Variants in STAB1 observed in about 807,000 individuals in gnomAD.
STAB1 encodes stabilin-1.
A neutral mutation model predicts 332.4 loss-of-function variants in STAB1; 250 were observed. The ratio of observed to expected loss-of-function variants is 0.75; its 90% CI spans 0.68 to 0.84. The LOEUF is 0.84. STAB1 is among the 40% of genes least tolerant of loss of function. The pLI, the probability that STAB1 is intolerant of heterozygous loss-of-function variation, is 0.00. For synonymous variants in STAB1, 1,475 were observed against 1,390.4 expected (o/e 1.06, Z -1.35); for missense variants, 3,249 against 3,489.7 (o/e 0.93, Z 1.74).
At chr3:52,500,198 G>A (rs1708342054) in intron 1 of STAB1, among the ~76,000 whole-genome samples, 1 of 152,222 alleles carries the variant, frequency 6.6e-6, no homozygotes, top group African/African-American at 2.4e-5. Flanking sequence ...TGCCTGCCTT[G>A]TCACACATTT....
In STAB1 at chr3:52,521,378, A is replaced by T; in HGVS notation, c.5926A>T (p.Ser1976Cys). 6.2e-7 allele frequency: 1 copy of T among 1,613,924 alleles called. No homozygotes were observed. The highest frequency in any genetic ancestry group is 8.5e-7 in the Non-Finnish European group (1 of 1,179,988). Residue 1976 changes from serine to cysteine, a missense_variant, in exon 56 of 69, where the codon AGC becomes TGC. Transcript: ENST00000321725. ...SECQACPGGPSSPCSDRGVCM... is the reference protein window; with the variant it reads ...SECQACPGGPCSPCSDRGVCM... ...ATCCCCAGCTTGCCCTGGCGGCCCC[A>T]GCAGCCCTTGTAGTGACCGTGGCGT...
Position 52,508,817 on chromosome 3 carries a change from A to G in STAB1, c.2236-393A>G, listed in dbSNP as rs1169450885. Among the ~76,000 whole-genome samples, 3 of 103,036 alleles carry G rather than the reference A, an allele frequency of 2.9e-5. No individual in the cohort carries two copies. In the East Asian group the frequency reaches 8.7e-4, roughly 30 times the overall value. The allele number at this position is 103,036 out of a possible 152,430, so 67.6% of individuals were successfully genotyped here. A position where few individuals can be genotyped will look rare whatever the true frequency, so the allele number is the denominator to read the frequency against. On this transcript the variant is annotated intron_variant, in intron 21 of 68. Coordinates refer to ENST00000321725, the MANE Select transcript of STAB1 (RefSeq NM_015136.3). ...AGCCTGGGCAACAGAGTGAGATTCC[A>G]TCCCAAAATAACAATAATAATAATA...
intron 21 of STAB1, 166 bp downstream of exon 21, chr3:52,508,525 A>G (rs1397657043): frequency 1.4e-6 from 1 of 714,900 alleles, no homozygotes; most frequent in African/African-American, 1.8e-5. Flanking sequence ...TATTTTAATT[A>G]AAAATAATTA....
rs144391932 is a variant in STAB1, at chr3:52,517,059, G to T, written c.4439G>T (p.Arg1480Leu). ...ANCTKVAPGQRTCTCQDGYMG... is the reference protein window; with the variant it reads ...ANCTKVAPGQLTCTCQDGYMG... ...TGTACCAAGGTGGCACCTGGGCAGCGGACATGCACCTGCCAGGATGGCTAC... is the reference window on the plus strand; with the variant it reads ...TGTACCAAGGTGGCACCTGGGCAGCTGACATGCACCTGCCAGGATGGCTAC... The change falls in exon 42 of 69, where the codon CGG becomes CTG. Residue 1480 changes from arginine (R) to leucine (L), a missense_variant. Arg to Leu is a moderately radical substitution (Grantham distance 102, BLOSUM62 -2). Coordinates refer to ENST00000321725, the MANE Select transcript of STAB1 (RefSeq NM_015136.3). 6.3e-7 allele frequency: 1 copy of T among 1,599,328 alleles called. No homozygotes were observed. The highest frequency in any genetic ancestry group is 1.7e-5 in the Admixed American group (1 of 58,244).
Position 52,506,828 on chromosome 3 carries a change from A to G in STAB1, c.1967A>G (p.Glu656Gly). Residue 656 changes from glutamate (E) to glycine (G), a missense_variant, in exon 18 of 69, where the codon GAG becomes GGG. Glu to Gly is a moderately conservative substitution (Grantham distance 98, BLOSUM62 -2). Coordinates refer to ENST00000321725, the MANE Select transcript of STAB1 (RefSeq NM_015136.3). ...CCCATCCTGCCCAAGCACTGCAGCGAGGAGCAGCACAAGATTGTGGCGGTG... is the reference window on the plus strand; with the variant it reads ...CCCATCCTGCCCAAGCACTGCAGCGGGGAGCAGCACAAGATTGTGGCGGTG... ...ILPILPKHCS[E>G]EQHKIVAGSC... The G allele has an allele frequency of 1.2e-6, 2 of 1,613,094 alleles. 1 individual carries two copies. Among genetic ancestry groups the G allele is most frequent in the South Asian group, 2.2e-5 (2 of 91,080 alleles).
intron 22 of STAB1, chr3:52,509,531 G>C (rs1181955089): frequency 5.1e-6 from 3 of 592,434 alleles, no homozygotes; most frequent in Non-Finnish European, 9.0e-6. Context: ...GGGGAGTGGA[G>C]GAAGATTTGA....
rs370989458 is a variant in STAB1, at chr3:52,520,240, C to G, written c.5449C>G (p.Arg1817Gly). The G allele has an allele frequency of 4.3e-6, 7 of 1,613,034 alleles. No individual in the cohort carries two copies. The African/African-American group carries it at 9.3e-5, about 22-fold the overall frequency. ...TGACCTGCCCAACCTGGGCCCACTT[C>G]GAACCATGCATGGGACCCCCATCTC... is the stretch of plus-strand genomic sequence containing the variant. ...ASDLPNLGPLRTMHGTPISFS... is the reference protein window; with the variant it reads ...ASDLPNLGPLGTMHGTPISFS... Residue 1817 changes from arginine to glycine, a missense_variant, in exon 52 of 69, where the codon CGA (arginine) becomes GGA (glycine). Arg to Gly is a moderately radical substitution (Grantham distance 125). Transcript: ENST00000321725.
At chr3:52,495,792 A>G (rs1707975597) in intron 1 of STAB1, among the ~76,000 whole-genome samples, 1 of 152,206 alleles carries the variant, frequency 6.6e-6, no homozygotes. Flanking sequence ...CTTCTGGCCC[A>G]GACGGAGGCC....
chr3:52,518,298 C>T lies in STAB1; in HGVS notation c.4762-14C>T, dbSNP rs2078944199. 4 of 1,612,364 alleles carry T rather than the reference C, an allele frequency of 2.5e-6. No homozygotes were observed. Among genetic ancestry groups the T allele is most frequent in the Non-Finnish European group, 2.5e-6 (3 of 1,179,650 alleles). On this transcript the variant is annotated splice_polypyrimidine_tract_variant and intron_variant, in intron 45 of 68. Transcript: ENST00000321725. ...GGGGCCGCCCCAAATCTGAGCTGAC[C>T]CTCGCCCCCCCAGGAGCTCCTGAGG...
At chr3:52,524,076 C>T in intron 67 of STAB1, 24 bp from the exon 68 acceptor site, 3 of 1,613,074 alleles carry the variant, frequency 1.9e-6, no homozygotes, top group South Asian at 1.1e-5. Flanking sequence ...GGCGCCTCGC[C>T]ACTCACCCCT....
rs1210770686 is a variant in STAB1, at chr3:52,510,400, G to A, written c.2680G>A (p.Gly894Ser). 2.5e-6 allele frequency: 4 copies of A among 1,613,982 alleles called. No homozygotes were observed. The highest frequency in any genetic ancestry group is 3.4e-6 in the Non-Finnish European group (4 of 1,180,052). ...CACCCACCACTGCACATGCCACAAA[G>A]GCTGGAGTGGGGATGGCCGCGTCTG... ...LGTHHCTCHK[G>S]WSGDGRVCVA... Residue 894 changes from glycine to serine, a missense_variant, in exon 25 of 69, where the codon GGC becomes AGC. Gly to Ser is a moderately conservative substitution (Grantham distance 56). Coordinates refer to ENST00000321725, the MANE Select transcript of STAB1 (RefSeq NM_015136.3).
intron 21 of STAB1, among the ~76,000 whole-genome samples, chr3:52,508,766 G>C (rs183452962): frequency 6.6e-6 from 1 of 152,012 alleles, no homozygotes; most frequent in South Asian, 2.1e-4. Context: ...AGGTTGCAGT[G>C]AGCCAAGATT....
At position 52,503,825 on chromosome 3, in the gene STAB1, G is replaced by C. The variant is rs773008573; in HGVS notation, c.945G>C (p.Ala315=). 2 of 1,613,232 alleles carry C rather than the reference G, an allele frequency of 1.2e-6. No individual in the cohort carries two copies. ...GLVSINSNAS[A]GCFAFCSPFS... is the part of the protein sequence containing the mutation. ...TCAGCATCAACAGCAACGCTTCTGC[G>C]GGCTGCTTCGCCTTCTGCTCCCCCT... The change falls in exon 9 of 69, where the codon GCG becomes GCC. Residue 315 remains alanine, a synonymous_variant. Coordinates refer to ENST00000321725, the MANE Select transcript of STAB1 (RefSeq NM_015136.3).
At chr3:52,501,453 G>A in intron 2 of STAB1, 151 bp downstream of exon 2, 1 of 1,300,708 alleles carries the variant, frequency 7.7e-7, no homozygotes, top group Non-Finnish European at 1.1e-6. Flanking sequence ...AGGCGGGGAG[G>A]AAGGGGTAAA....
Position 52,518,577 on chromosome 3 carries a change from C to G in STAB1, c.4851C>G (p.Phe1617Leu), listed in dbSNP as rs144020560. Residue 1617 changes from phenylalanine to leucine, a missense_variant, in exon 47 of 69, where the codon TTC (phenylalanine) becomes TTG (leucine). Phe to Leu is a conservative substitution (Grantham distance 22). Transcript: ENST00000321725. ...AGGGCGATGGGCCTTTCACCATCTTCGTGCCGCACGCAGATCTAATGAGCA... is the reference window on the plus strand; with the variant it reads ...AGGGCGATGGGCCTTTCACCATCTTGGTGCCGCACGCAGATCTAATGAGCA... The part of the protein sequence containing the change: ...ELKGDGPFTI[F>L]VPHADLMSNL... 1.9e-6 allele frequency: 3 copies of G among 1,600,702 alleles called. No homozygotes were observed. The Admixed American group carries it at 5.2e-5, about 28-fold the overall frequency.
Position 52,517,447 on chromosome 3 carries a change from G to A in STAB1, c.4563+54G>A, listed in dbSNP as rs2078912044. The A allele has an allele frequency of 3.2e-6, 5 of 1,575,740 alleles. No individual in the cohort carries two copies. The South Asian group carries it at 5.9e-5, about 19-fold the overall frequency. On this transcript the variant is annotated intron_variant, in intron 43 of 68. Transcript: ENST00000321725. ...ATCATGCCATGCCCTCACAGGATGGGGCCTCCCTTCAGGGCAGGCCCGGGG... is the reference window on the plus strand; with the variant it reads ...ATCATGCCATGCCCTCACAGGATGGAGCCTCCCTTCAGGGCAGGCCCGGGG...
intron 17 of STAB1, 21 bp from the exon 18 acceptor site, chr3:52,506,671 C>T (rs1708894115): frequency 1.3e-6 from 2 of 1,595,584 alleles, no homozygotes; most frequent in African/African-American, 1.3e-5. Flanking sequence ...TGGGGGTTGG[C>T]TCAGTGGGTC....
chr3:52,518,914 C>A, intron 48 of STAB1, 45 bp downstream of exon 48: 1 of 1,454,570 alleles, frequency 6.9e-7, no homozygotes, highest in South Asian at 1.3e-5. Context: ...CGCCCCGCCC[C>A]GCCCCTGCGC....
rs1428054134 is a variant in STAB1 at position 52,505,798 on chromosome 3, A to T, written c.1695+17A>T. 4 of 1,613,754 alleles carry T rather than the reference A, an allele frequency of 2.5e-6. No individual in the cohort carries two copies. In the South Asian group the frequency reaches 4.4e-5, roughly 18 times the overall value. ...TTCACAGCGGTAAGCTCAGCGGGAG[A>T]AGGGGCTGCGGGTATGGGGGCACCA... On this transcript the variant is annotated intron_variant, in intron 15 of 68. Transcript: ENST00000321725.
Sources: allele counts gnomAD v4.1 joint callset (sites outside exome capture counted in the v4.1 genomes callset), GRCh38; gene constraint gnomAD v4.1.1; transcripts MANE v1.5; gene names NCBI Gene and HGNC (gene_info 2026-07-23, HGNC 2026-07-21).